The following ANKRD33B variants were observed in gnomAD, a reference collection of about 807,000 sequenced individuals.
ANKRD33B encodes the protein ankyrin repeat domain 33B, also known as ankyrin repeat domain-containing protein 33B.
A neutral mutation model predicts 21.5 loss-of-function variants in ANKRD33B; 6 were observed. That is an observed-to-expected ratio of 0.28 (90% CI 0.15 to 0.55). The LOEUF (loss-of-function observed/expected upper bound fraction) is 0.55. Among genes scored for constraint, ANKRD33B ranks in the 20% least tolerant of loss-of-function variants. The pLI is 0.94. For synonymous variants in ANKRD33B, 347 were observed against 342.4 expected (o/e 1.01, Z -0.15); for missense variants, 698 against 747.2 (o/e 0.93, Z 0.77).
chr5:10,588,752 A>T (rs1480952196), intron 1 of ANKRD33B, among the ~76,000 whole-genome samples: 1 of 152,230 alleles, frequency 6.6e-6, no homozygotes. Flanking sequence ...AAGGGAAAAC[A>T]ATGTGGAAAA....
intron 1 of ANKRD33B, among the ~76,000 whole-genome samples, chr5:10,618,046 G>C (rs1176897560): frequency 6.6e-6 from 1 of 152,152 alleles, no homozygotes; most frequent in Non-Finnish European, 1.5e-5. Flanking sequence ...CCCCATAGTT[G>C]GTGTGTTTCC....
chr5:10,649,819 A>G lies in ANKRD33B; in HGVS notation c.1191A>G (p.Ala397=). 7.2e-7 allele frequency: 1 copy of G among 1,383,964 alleles called. No homozygotes were observed. Among genetic ancestry groups the G allele is most frequent in the Non-Finnish European group, 9.3e-7 (1 of 1,074,158 alleles). 85.7% of individuals were successfully genotyped at this position (1,383,964 alleles called of 1,614,324 possible). Residue 397 remains alanine (A), a synonymous_variant, in exon 4 of 4, where the codon GCA becomes GCG. Transcript: ENST00000296657. ...CCGCCCTGGGGTCCCGGGGCCCCGCAGCGCCCGCCCCGCGGAAGGCCAGCC... is the reference window on the plus strand; with the variant it reads ...CCGCCCTGGGGTCCCGGGGCCCCGCGGCGCCCGCCCCGCGGAAGGCCAGCC... The part of the protein sequence containing the change: ...LPPALGSRGP[A]APAPRKASLL...
chr5:10,613,315 T>TA (rs1736213729), intron 1 of ANKRD33B, among the ~76,000 whole-genome samples: 2 of 151,276 alleles, frequency 1.3e-5, no homozygotes, highest in Non-Finnish European at 2.9e-5. Flanking sequence ...GATAGAGTCT[T>TA]GCTCTGTTGC....
In ANKRD33B at chr5:10,656,256, A is replaced by T. The variant is rs2126617849; in HGVS notation, c.*6143A>T. ...GGAAAAAGAAACACACAGTACCTGGATTGTTTTGACTTATTTTCAAGCGAC... is the reference window on the plus strand; with the variant it reads ...GGAAAAAGAAACACACAGTACCTGGTTTGTTTTGACTTATTTTCAAGCGAC... On this transcript the variant is annotated 3_prime_UTR_variant, in exon 4 of 4. Transcript: ENST00000296657. The T allele has an allele frequency of 6.6e-6, 1 of 152,428 alleles. No individual in the cohort carries two copies. Among genetic ancestry groups the T allele is most frequent in the South Asian group, 2.1e-4 (1 of 4,828 alleles). The allele number at this position is 152,428 out of a possible 1,614,324, so 9.4% of individuals were successfully genotyped here.
chr5:10,637,443 C>T (rs1235529689), intron 2 of ANKRD33B, among the ~76,000 whole-genome samples: 2 of 143,640 alleles, frequency 1.4e-5, no homozygotes, highest in African/African-American at 2.6e-5. Context: ...CACACACACA[C>T]ACACACACAC....
chr5:10,567,729 G>T (rs191635146), intron 1 of ANKRD33B, among the ~76,000 whole-genome samples: 1 of 152,350 alleles, frequency 6.6e-6, no homozygotes, highest in East Asian at 1.9e-4. Context: ...AGCAGAGACG[G>T]CATCTAGGGG....
chr5:10,566,645 C>A (rs758254117), intron 1 of ANKRD33B, among the ~76,000 whole-genome samples: 1 of 152,204 alleles, frequency 6.6e-6, no homozygotes, highest in South Asian at 2.1e-4. Context: ...TTGAAAACAG[C>A]TGCATTGAAG....
Position 10,649,776 on chromosome 5 carries a change from C to T in ANKRD33B, c.1148C>T (p.Pro383Leu). 1 of 1,400,642 alleles carries T rather than the reference C, an allele frequency of 7.1e-7. No homozygotes were observed. Among genetic ancestry groups the T allele is most frequent in the Admixed American group, 3.2e-5 (1 of 31,228 alleles). The allele number at this position is 1,400,642 out of a possible 1,614,324, so 86.8% of individuals were successfully genotyped here. A position where few individuals can be genotyped will look rare whatever the true frequency, so the allele number is the denominator to read the frequency against. The change falls in exon 4 of 4, where the codon CCG becomes CTG. Residue 383 changes from proline (P) to leucine (L), a missense_variant. Physicochemically the swap from Pro to Leu is moderately conservative, Grantham distance 98 (BLOSUM62 -3). This residue lies in a region of ANKRD33B where 543 missense variants were observed against 566.5 expected (regional missense o/e 0.96). Transcript: ENST00000296657. ...QEDADSREGSPRAGLPPALGS... is the reference protein window; with the variant it reads ...QEDADSREGSLRAGLPPALGS... ...GACGCGGACTCCCGGGAGGGCTCCC[C>T]GAGAGCCGGCCTCCCTCCCGCCCTG... is the stretch of plus-strand genomic sequence containing the variant.
intron 1 of ANKRD33B, among the ~76,000 whole-genome samples, chr5:10,614,718 C>G (rs189272591): frequency 1.6e-4 from 25 of 152,276 alleles, no homozygotes; most frequent in African/African-American, 4.3e-4. Context: ...AAAACCCTGT[C>G]CCTACTAAAA....
intron 1 of ANKRD33B, among the ~76,000 whole-genome samples, chr5:10,606,705 G>T (rs1388926478): frequency 6.6e-6 from 1 of 151,254 alleles, no homozygotes; most frequent in Non-Finnish European, 1.5e-5. Flanking sequence ...CTGCACTCCA[G>T]CCTGGCGACA....
At chr5:10,640,009 TGGAG>T (rs1560985502) in intron 3 of ANKRD33B, among the ~76,000 whole-genome samples, 9,690 of 60,820 alleles carry the variant, frequency 0.16, 2,030 homozygotes, top group Middle Eastern at 0.32. Context: ...GCGGGTGACG[TGGAG>T]TTGCGCGGCG....
At chr5:10,575,226 C>T (rs566627269) in intron 1 of ANKRD33B, among the ~76,000 whole-genome samples, 2 of 151,756 alleles carry the variant, frequency 1.3e-5, no homozygotes, top group East Asian at 3.9e-4. Flanking sequence ...AGATCAAGAC[C>T]GTCCTGGCCA....
chr5:10,593,516 C>A (rs1289956895), intron 1 of ANKRD33B, among the ~76,000 whole-genome samples: 1 of 151,912 alleles, frequency 6.6e-6, no homozygotes, highest in Non-Finnish European at 1.5e-5. Flanking sequence ...TTGTACTGTA[C>A]CTCACCTCTG....
rs1176523361 is a variant in ANKRD33B at position 10,654,355 on chromosome 5, G to A, written c.*4242G>A. On this transcript the variant is annotated 3_prime_UTR_variant, in exon 4 of 4. Coordinates refer to ENST00000296657, the MANE Select transcript of ANKRD33B (RefSeq NM_001164440.2). ...TCGGGATCCCTCCCTGCACCCTGAT[G>A]TTTATTAACTGTAGATAGTGAATTT... 3 of 152,366 alleles carry A rather than the reference G, an allele frequency of 2.0e-5. No individual in the cohort carries two copies. The highest frequency in any genetic ancestry group is 2.9e-5 in the Non-Finnish European group (2 of 68,040). The allele number at this position is 152,366 out of a possible 1,614,324, so 9.4% of individuals were successfully genotyped here.
chr5:10,591,210 T>TTTTTTTTTTA, intron 1 of ANKRD33B, among the ~76,000 whole-genome samples: 10 of 139,322 alleles, frequency 7.2e-5, no homozygotes, highest in East Asian at 4.2e-4. Flanking sequence ...TTTTTTTTTT[T>TTTTTTTTTTA]GAGATGGAGT....
At chr5:10,610,897 A>T (rs186553461) in intron 1 of ANKRD33B, among the ~76,000 whole-genome samples, 80 of 152,212 alleles carry the variant, frequency 5.3e-4, no homozygotes, top group African/African-American at 1.9e-3. Context: ...TAAAAAAATT[A>T]GCTGGGTGTG....
At chr5:10,577,981 G>A (rs569353724) in intron 1 of ANKRD33B, among the ~76,000 whole-genome samples, 3 of 152,296 alleles carry the variant, frequency 2.0e-5, no homozygotes, top group Non-Finnish European at 2.9e-5. Context: ...TAAGAGTCGC[G>A]TTTCAGGAAG....
chr5:10,633,290 T>C (rs1391938056), intron 2 of ANKRD33B, among the ~76,000 whole-genome samples: 1 of 152,112 alleles, frequency 6.6e-6, no homozygotes, highest in Admixed American at 6.5e-5. Flanking sequence ...TTAGTAGAGA[T>C]GGGGTTTCAC....
At chr5:10,613,667 A>G (rs941018955) in intron 1 of ANKRD33B, among the ~76,000 whole-genome samples, 6 of 152,044 alleles carry the variant, frequency 3.9e-5, no homozygotes, top group East Asian at 1.9e-4. Context: ...TTGGGAGGCC[A>G]AGGAGGGCAG....
Sources: gnomAD v4.1 joint callset for allele counts (sites outside exome capture counted in the v4.1 genomes callset) on GRCh38, gnomAD v4.1.1 for gene constraint, gnomAD v4.1.1 regional missense constraint, MANE v1.5 for transcripts, NCBI Gene and HGNC (gene_info 2026-07-23, HGNC 2026-07-21) for gene names.